PREX1: variants seen among roughly 807,000 people sequenced by gnomAD.
PREX1 encodes phosphatidylinositol 3,4,5-trisphosphate-dependent Rac exchanger 1 protein.
Under a neutral mutation model 198.3 loss-of-function variants are expected in PREX1, and 41 were observed. The observed-to-expected ratio is 0.21, with a 90% CI of 0.16 to 0.27. The LOEUF (loss-of-function observed/expected upper bound fraction) is 0.27, where lower values mean the gene tolerates loss of function less well. Ranked by LOEUF, PREX1 falls within the 10% of genes least tolerant of loss-of-function variation. The pLI is 1.00. For synonymous variants in PREX1, 843 were observed against 887.2 expected (o/e 0.95, Z 0.89); for missense variants, 1,620 against 2,200.7 (o/e 0.74, Z 5.28).
chr20:48,721,056 G>C (rs11086261), intron 5 of PREX1, among the ~76,000 whole-genome samples: 72,628 of 152,080 alleles, frequency 0.48, 18,837 homozygotes, highest in African/African-American at 0.69. Flanking sequence ...AACAAGTTCT[G>C]AATCAAGCTG....
At chr20:48,887,703 T>C in the PREX1 span, among the ~76,000 whole-genome samples, 1 of 152,048 alleles carries the variant, frequency 6.6e-6, no homozygotes, top group Non-Finnish European at 1.5e-5. Flanking sequence ...TCCCAGCACT[T>C]TGGGAGGCCG....
chr20:48,730,993 C>G (rs2090032573), intron 4 of PREX1, among the ~76,000 whole-genome samples: 1 of 152,130 alleles, frequency 6.6e-6, no homozygotes, highest in Non-Finnish European at 1.5e-5. Context: ...GAGACCCTAT[C>G]TCAAAAAGCA....
intron 5 of PREX1, among the ~76,000 whole-genome samples, chr20:48,724,630 A>G (rs901117447): frequency 6.6e-6 from 1 of 152,262 alleles, no homozygotes; most frequent in Non-Finnish European, 1.5e-5. Flanking sequence ...AGCTTTTAAA[A>G]AAAAGAGTAA....
intron 1 of PREX1, among the ~76,000 whole-genome samples, chr20:48,758,425 G>A (rs6125452): frequency 0.03 from 4,543 of 152,252 alleles, 154 homozygotes; most frequent in East Asian, 0.12. Flanking sequence ...TTGAGGTGTC[G>A]CAATGCAGCC....
At chr20:48,806,170 T>C (rs2090410968) in intron 1 of PREX1, among the ~76,000 whole-genome samples, 1 of 152,182 alleles carries the variant, frequency 6.6e-6, no homozygotes, top group African/African-American at 2.4e-5. Flanking sequence ...GACATTGCCA[T>C]ATGTCCCCTT....
At chr20:48,811,625 C>CACACGTGCATGCACACTACTGA (rs2090436200) in intron 1 of PREX1, among the ~76,000 whole-genome samples, 1 of 98,040 alleles carries the variant, frequency 1.0e-5, no homozygotes, top group Admixed American at 9.2e-5. Flanking sequence ...GATACACACC[C>CACACGTGCATGCACACTACTGA]CCCCACACAC....
chr20:48,685,363 T>C (rs562754830), intron 10 of PREX1, among the ~76,000 whole-genome samples: 1 of 152,346 alleles, frequency 6.6e-6, no homozygotes, highest in African/African-American at 2.4e-5. Flanking sequence ...TTTCTCTGAG[T>C]AGGGCAGAAA....
intron 1 of PREX1, among the ~76,000 whole-genome samples, chr20:48,771,111 A>T (rs2090233531): frequency 6.6e-6 from 1 of 151,874 alleles, no homozygotes; most frequent in African/African-American, 2.4e-5. Context: ...ATATTTCAAC[A>T]TGTCACCTTC....
At chr20:48,866,504 T>A in the PREX1 span, among the ~76,000 whole-genome samples, 1 of 152,182 alleles carries the variant, frequency 6.6e-6, no homozygotes, top group Non-Finnish European at 1.5e-5. Flanking sequence ...GAGGCAGTGG[T>A]CTGAGGACTG....
At chr20:48,629,364 C>T in intron 37 of PREX1, 85 bp downstream of exon 37, 1 of 1,517,572 alleles carries the variant, frequency 6.6e-7, no homozygotes, top group Non-Finnish European at 8.9e-7. Flanking sequence ...ACCCAGCCTT[C>T]CTGCCTCCTT....
the PREX1 span, among the ~76,000 whole-genome samples, chr20:48,841,657 G>A: frequency 1.3e-5 from 2 of 152,134 alleles, no homozygotes; most frequent in African/African-American, 4.8e-5. Flanking sequence ...TAATTTAGAG[G>A]TGGTCTCAAT....
intron 5 of PREX1, among the ~76,000 whole-genome samples, chr20:48,716,707 C>T (rs2089964047): frequency 6.6e-6 from 1 of 151,930 alleles, no homozygotes; most frequent in Non-Finnish European, 1.5e-5. Context: ...GACCTTCCAT[C>T]CTCCCAGCCA....
chr20:48,652,037 C>T (rs893595015), intron 21 of PREX1, among the ~76,000 whole-genome samples: 4 of 152,104 alleles, frequency 2.6e-5, no homozygotes, highest in Non-Finnish European at 5.9e-5. Context: ...CAGTGGGACT[C>T]GGACTTCTGA....
intron 3 of PREX1, among the ~76,000 whole-genome samples, chr20:48,739,501 G>A (rs942118981): frequency 6.6e-5 from 10 of 152,106 alleles, no homozygotes; most frequent in East Asian, 5.8e-4. Context: ...CTGACCTCCC[G>A]ATTGAAAGCA....
At chr20:48,663,480 T>A (rs913862866) in intron 15 of PREX1, among the ~76,000 whole-genome samples, 2 of 151,638 alleles carry the variant, frequency 1.3e-5, no homozygotes, top group Non-Finnish European at 2.9e-5. Flanking sequence ...TGAGCCGAGA[T>A]CACACCATTG....
chr20:48,747,523 C>T (rs925071750), intron 2 of PREX1, among the ~76,000 whole-genome samples: 1 of 152,202 alleles, frequency 6.6e-6, no homozygotes, highest in Non-Finnish European at 1.5e-5. Flanking sequence ...ACGAGGAGCC[C>T]GGAAGACTGG....
chr20:48,748,007 G>C, intron 1 of PREX1, 127 bp from the exon 2 acceptor site: 1 of 811,420 alleles, frequency 1.2e-6, no homozygotes, highest in Non-Finnish European at 2.0e-6. Flanking sequence ...CAGGGACACA[G>C]GCAGAGGACG....
rs189807827 is a variant in PREX1 at position 48,749,482 on chromosome 20, C to T, written c.220-1602G>A. ...AGATCTCTGAGTGCAGGAGAGATGGCGGGGACAGCCCAAGATAGTGCTGGG... is the reference window on the plus strand; with the variant it reads ...AGATCTCTGAGTGCAGGAGAGATGGTGGGGACAGCCCAAGATAGTGCTGGG... On this transcript the variant is annotated intron_variant, in intron 1 of 39. Coordinates refer to ENST00000371941, the MANE Select transcript of PREX1 (RefSeq NM_020820.4). Among the ~76,000 whole-genome samples the T allele has an allele frequency of 2.7e-3, 405 of 152,252 alleles. 1 individual carries two copies. Among genetic ancestry groups the T allele is most frequent in the African/African-American group, 9.4e-3 (390 of 41,542 alleles).
rs1248680322 is a variant in PREX1, at chr20:48,624,604, C to T, written c.*1281G>A. ...GGTGACAGGCGTCCCCCCGCTTCCT[C>T]CCCAGCTGTGACCTTTCCCTGAAGG... On this transcript the variant is annotated 3_prime_UTR_variant, in exon 40 of 40. Transcript: ENST00000371941. 1 of 152,312 alleles carries T rather than the reference C, an allele frequency of 6.6e-6. No homozygotes were observed. Among genetic ancestry groups the T allele is most frequent in the East Asian group, 1.9e-4 (1 of 5,202 alleles). 9.4% of individuals were successfully genotyped at this position (152,312 alleles called of 1,614,324 possible).
Sources: gnomAD v4.1 joint callset for allele counts (sites outside exome capture counted in the v4.1 genomes callset) on GRCh38, gnomAD v4.1.1 for gene constraint, MANE v1.5 for transcripts, NCBI Gene and HGNC (gene_info 2026-07-23, HGNC 2026-07-21) for gene names.